Variants in CSMD2 observed in about 807,000 individuals in gnomAD.
The protein encoded by CSMD2 is CUB and sushi domain-containing protein 2.
In CSMD2, 130 loss-of-function variants were observed where a neutral mutation model predicts 398.5. That is an observed-to-expected ratio of 0.33 (90% CI 0.28 to 0.38). The LOEUF is 0.38. CSMD2 is among the 10% of genes least tolerant of loss of function. CSMD2 has a pLI of 1.00. For missense variants in CSMD2, 3,829 were observed against 4,764.9 expected, an observed-to-expected ratio of 0.80 and a Z score of 5.78; for synonymous variants, 1,828 against 1,908.5, an observed-to-expected ratio of 0.96 and a Z score of 1.10.
chr1:33,619,310 C>CAGGCTCCTTTTGGCCCTTCTGG (rs1557632076), intron 37 of CSMD2, among the ~76,000 whole-genome samples: 1 of 152,206 alleles, frequency 6.6e-6, no homozygotes, highest in Non-Finnish European at 1.5e-5. Context: ...TTGGGGGATA[C>CAGGCTCCTTTTGGCCCTTCTGG]AGGCTCCTTT....
At chr1:34,074,566 G>A (rs912720612) in intron 2 of CSMD2, among the ~76,000 whole-genome samples, 5 of 152,296 alleles carry the variant, frequency 3.3e-5, no homozygotes, top group African/African-American at 9.6e-5. Context: ...TTCCTCCAGA[G>A]AGCATTGATT....
At chr1:34,102,067 G>A (rs7539870) in intron 1 of CSMD2, among the ~76,000 whole-genome samples, 4,147 of 150,036 alleles carry the variant, frequency 0.028, 222 homozygotes, top group African/African-American at 0.097. Flanking sequence ...GTCTTGCTCT[G>A]TCACCCAGAC....
At chr1:33,840,469 AC>A (rs1368512170) in intron 6 of CSMD2, among the ~76,000 whole-genome samples, 1 of 151,892 alleles carries the variant, frequency 6.6e-6, no homozygotes, top group Admixed American at 6.6e-5. Context: ...CTCTGTTGAA[AC>A]CCCAACGCAC....
rs752763690 is a variant in CSMD2, at chr1:33,519,472, T to C, written c.*46A>G. 4 of 1,594,628 alleles carry C rather than the reference T, an allele frequency of 2.5e-6. No individual in the cohort carries two copies. Among genetic ancestry groups the C allele is most frequent in the Non-Finnish European group, 2.6e-6 (3 of 1,168,462 alleles). ...TCCCACACCCCTGCTCACCGGCTGC[T>C]GGAGGCGGGGCTCTCGGTGGCGGTG... On this transcript the variant is annotated 3_prime_UTR_variant, in exon 70 of 71. Transcript: ENST00000373381. The surrounding 1 kb of genome is among the most constrained non-coding windows in gnomAD (Gnocchi z 5.6).
At position 33,580,739 on chromosome 1, in the gene CSMD2, T is replaced by C; in HGVS notation, c.7387+14A>G. 6.2e-7 allele frequency: 1 copy of C among 1,613,720 alleles called. No individual in the cohort carries two copies. The highest frequency in any genetic ancestry group is 8.5e-7 in the Non-Finnish European group (1 of 1,179,776). On this transcript the variant is annotated intron_variant, in intron 48 of 70. Coordinates refer to ENST00000373381, the MANE Select transcript of CSMD2 (RefSeq NM_001281956.2). ...GGAGAGGGCCTGTGGCTTATTTGTG[T>C]TTTTTTCACTCACCTGAATAGCGGA...
chr1:33,692,980 G>C lies in CSMD2; in HGVS notation c.4002C>G (p.His1334Gln). 6.2e-7 allele frequency: 1 copy of C among 1,607,286 alleles called. No homozygotes were observed. The highest frequency in any genetic ancestry group is 8.5e-7 in the Non-Finnish European group (1 of 1,177,072). The change falls in exon 25 of 71, where the codon CAC becomes CAG. Residue 1334 changes from histidine to glutamine, a missense_variant. Transcript: ENST00000373381. Reference protein sequence around the residue: ...LSPGYPAPYEHNLNCIWTIEA... With the variant: ...LSPGYPAPYEQNLNCIWTIEA... Reference sequence around the variant, plus strand: ...CGATGGTCCAGATGCAGTTGAGATTGTGTTCATAGGGAGCTGGATACCCGG... The same window carrying C: ...CGATGGTCCAGATGCAGTTGAGATTCTGTTCATAGGGAGCTGGATACCCGG...
chr1:33,767,278 A>G (rs2149316991), intron 13 of CSMD2, among the ~76,000 whole-genome samples: 1 of 152,366 alleles, frequency 6.6e-6, no homozygotes, highest in East Asian at 1.9e-4. Flanking sequence ...AAGAATAAAA[A>G]AAGACTGGTC....
Position 33,810,837 on chromosome 1 carries a change from C to T in CSMD2, c.1352G>A (p.Gly451Asp). The change falls in exon 10 of 71, where the codon GGC becomes GAC. Residue 451 changes from glycine (G) to aspartate (D), a missense_variant. Physicochemically the swap from Gly to Asp is moderately conservative, Grantham distance 94 (BLOSUM62 -1). Transcript: ENST00000373381. Reference protein sequence around the residue: ...RARMCDAHLRGPSGIITSPNF... With the variant: ...RARMCDAHLRDPSGIITSPNF... ...GGGGGAGGTGATGATGCCCGAGGGG[C>T]CTCGAAGGTGGGCATCACACATGCG... 1 of 1,612,168 alleles carries T rather than the reference C, an allele frequency of 6.2e-7. No homozygotes were observed. The highest frequency in any genetic ancestry group is 8.5e-7 in the Non-Finnish European group (1 of 1,179,264).
At chr1:33,831,827 C>A (rs11490889) in intron 6 of CSMD2, among the ~76,000 whole-genome samples, 97,477 of 149,982 alleles carry the variant, frequency 0.65, 32,045 homozygotes, top group East Asian at 0.94. Context: ...ATCTACCAAG[C>A]AAATGGAAAA....
intron 3 of CSMD2, among the ~76,000 whole-genome samples, chr1:33,993,327 T>C (rs1422682948): frequency 6.6e-6 from 1 of 152,226 alleles, no homozygotes; most frequent in East Asian, 1.9e-4. Context: ...TTTAAAAACT[T>C]GGTTTACAGA....
chr1:33,577,318 G>A lies in CSMD2; in HGVS notation c.7554C>T (p.Ser2518=), dbSNP rs1638339644. Residue 2518 remains serine (S), a synonymous_variant, in exon 49 of 71, where the codon AGC becomes AGT. Coordinates refer to ENST00000373381, the MANE Select transcript of CSMD2 (RefSeq NM_001281956.2). ...TRHPQGYHLW[S]EAIPLCQALS... is the part of the protein sequence containing the mutation. ...CACCTTGACAGAGAGGGATGGCTTC[G>A]CTCCACAGGTGGTAGCCCTGGGGGT... is the stretch of plus-strand genomic sequence containing the variant. 1.2e-6 allele frequency: 2 copies of A among 1,610,946 alleles called. No individual in the cohort carries two copies. Among genetic ancestry groups the A allele is most frequent in the Non-Finnish European group, 1.7e-6 (2 of 1,178,004 alleles).
chr1:33,731,259 AAT>A (rs1256498429), intron 15 of CSMD2, among the ~76,000 whole-genome samples: 1 of 152,220 alleles, frequency 6.6e-6, no homozygotes, highest in Non-Finnish European at 1.5e-5. Context: ...GGAGTAACCA[AAT>A]AGTTGATGAG....
intron 10 of CSMD2, among the ~76,000 whole-genome samples, chr1:33,801,178 C>T (rs1212201104): frequency 6.6e-6 from 1 of 152,120 alleles, no homozygotes; most frequent in Non-Finnish European, 1.5e-5. Context: ...TTCCATGCCC[C>T]CTCCCTCTCC....
Position 33,519,455 on chromosome 1 carries a change from C to A in CSMD2, c.*53+10G>T. ...GTCATGGCCTGTCTTCCTCCCACAC[C>A]CCTGCTCACCGGCTGCTGGAGGCGG... is the stretch of plus-strand genomic sequence containing the variant. On this transcript the variant is annotated intron_variant, in intron 70 of 70. Coordinates refer to ENST00000373381, the MANE Select transcript of CSMD2 (RefSeq NM_001281956.2). This position sits in a 1 kb window ranked among gnomAD's most constrained non-coding sequence, Gnocchi z 5.6. The A allele has an allele frequency of 6.5e-7, 1 of 1,549,764 alleles. No individual in the cohort carries two copies. The highest frequency in any genetic ancestry group is 8.8e-7 in the Non-Finnish European group (1 of 1,130,322).
intron 12 of CSMD2, among the ~76,000 whole-genome samples, chr1:33,777,989 T>C (rs1652222096): frequency 6.6e-6 from 1 of 152,198 alleles, no homozygotes; most frequent in Admixed American, 6.5e-5. Flanking sequence ...TTGCTGCCTT[T>C]CACATGAGGC....
At chr1:33,531,110 C>T (rs1239360579) in intron 64 of CSMD2, among the ~76,000 whole-genome samples, 2 of 151,956 alleles carry the variant, frequency 1.3e-5, no homozygotes, top group Non-Finnish European at 2.9e-5. Context: ...TGTGTTCTTA[C>T]CACAAAAAAT....
At position 33,537,647 on chromosome 1, in the gene CSMD2, T is replaced by A. The variant is rs1655930547; in HGVS notation, c.9632-38A>T. 1 of 1,572,158 alleles carries A rather than the reference T, an allele frequency of 6.4e-7. No individual in the cohort carries two copies. Among genetic ancestry groups the A allele is most frequent in the Non-Finnish European group, 8.6e-7 (1 of 1,157,096 alleles). ...AGGGAGAAAGGCAGGTCTAAGTTGC[T>A]TTCCAGAACCCAATCTTCCAGTCCC... On this transcript the variant is annotated intron_variant, in intron 60 of 70. Transcript: ENST00000373381. This position sits in a 1 kb window ranked among gnomAD's most constrained non-coding sequence, Gnocchi z 4.6.
chr1:34,156,447 G>C (rs1310340179), intron 1 of CSMD2, among the ~76,000 whole-genome samples: 3 of 152,148 alleles, frequency 2.0e-5, no homozygotes, highest in South Asian at 4.1e-4. Context: ...TAATATACTT[G>C]TATCTCAAAT....
rs1177720478 is a variant in CSMD2, at chr1:33,636,279, C to T, written c.4969+81G>A. 4 of 1,397,744 alleles carry T rather than the reference C, an allele frequency of 2.9e-6. No homozygotes were observed. Among genetic ancestry groups the T allele is most frequent in the Non-Finnish European group, 3.9e-6 (4 of 1,033,634 alleles). 86.6% of individuals were successfully genotyped at this position (1,397,744 alleles called of 1,614,324 possible). A position where few individuals can be genotyped will look rare whatever the true frequency, so the allele number is the denominator to read the frequency against. On this transcript the variant is annotated intron_variant, in intron 30 of 70. Transcript: ENST00000373381. The surrounding 1 kb of genome is among the most constrained non-coding windows in gnomAD (Gnocchi z 4.8). ...CCGGGCTTGAGGACCTTGCCCCCCT[C>T]CCTTCCCCAGCCCACAGCACCCTCT...
Sources: gnomAD v4.1 joint callset for allele counts (sites outside exome capture counted in the v4.1 genomes callset) on GRCh38, gnomAD v4.1.1 for gene constraint, Gnocchi (gnomAD v3.1) non-coding constraint, MANE v1.5 for transcripts, NCBI Gene and HGNC (gene_info 2026-07-23, HGNC 2026-07-21) for gene names.